Variants in MYCT1 observed in about 807,000 individuals in gnomAD.
MYCT1 encodes the protein MYC target 1, also known as myc target protein 1.
Under a neutral mutation model 15.0 loss-of-function variants are expected in MYCT1, and 12 were observed. The ratio of observed to expected loss-of-function variants is 0.80; its 90% CI spans 0.51 to 1.29. The LOEUF (loss-of-function observed/expected upper bound fraction) is 1.29, where lower values mean the gene tolerates loss of function less well. Among genes scored for constraint, MYCT1 ranks in the 50% most tolerant of loss-of-function variants. The probability of loss-of-function intolerance (pLI) is 0.00; values close to 1 mark genes in which losing one functional copy is unlikely to be tolerated. For missense variants in MYCT1, 287 were observed against 279.1 expected (o/e 1.03, Z -0.20); for synonymous variants, 104 against 102.7 (o/e 1.01, Z -0.07).
chr6:152,727,279 T>C (rs936193129), downstream of MYCT1, among the ~76,000 whole-genome samples: 1 of 152,144 alleles, frequency 6.6e-6, no homozygotes, highest in Admixed American at 6.5e-5. Flanking sequence ...TAAAACATTT[T>C]TAACTAATTT....
At position 152,723,861 on chromosome 6, in the gene MYCT1, T is replaced by G. The variant is rs141300748; in HGVS notation, c.*1608T>G. The stretch of plus-strand genomic sequence containing the variant: ...TTAGTTTATGTGGCCGTTTCTTTGT[T>G]TCTTTGAACAGTGGGATTTTCAGTG... On this transcript the variant is annotated 3_prime_UTR_variant, in exon 2 of 2. Coordinates refer to ENST00000367245, the MANE Select transcript of MYCT1 (RefSeq NM_025107.3). 1 of 152,220 alleles carries G rather than the reference T, an allele frequency of 6.6e-6. No individual in the cohort carries two copies. Among genetic ancestry groups the G allele is most frequent in the East Asian group, 1.9e-4 (1 of 5,192 alleles). 9.4% of individuals were successfully genotyped at this position (152,220 alleles called of 1,614,324 possible). A position where few individuals can be genotyped will look rare whatever the true frequency, so the allele number is the denominator to read the frequency against.
chr6:152,730,219 G>A, the MYCT1 span, among the ~76,000 whole-genome samples: 1 of 151,966 alleles, frequency 6.6e-6, no homozygotes, highest in Non-Finnish European at 1.5e-5. Flanking sequence ...TTATCTAACT[G>A]TATGCTAGCA....
chr6:152,746,402 T>C, the MYCT1 span, among the ~76,000 whole-genome samples: 1 of 152,198 alleles, frequency 6.6e-6, no homozygotes, highest in Non-Finnish European at 1.5e-5. Flanking sequence ...ATGATTCACA[T>C]CCCAGGCTGG....
intron 1 of MYCT1, among the ~76,000 whole-genome samples, chr6:152,720,046 T>C (rs1019832643): frequency 1.3e-5 from 2 of 151,992 alleles, no homozygotes; most frequent in African/African-American, 4.8e-5. Flanking sequence ...TGAAATCAGC[T>C]TGGTGGATTT....
intron 1 of MYCT1, among the ~76,000 whole-genome samples, chr6:152,706,763 A>G (rs1235972566): frequency 1.3e-5 from 2 of 152,066 alleles, no homozygotes; most frequent in East Asian, 3.8e-4. Context: ...GGTATTTTCA[A>G]TGTACGATGG....
At chr6:152,716,972 T>C (rs894067821) in intron 1 of MYCT1, among the ~76,000 whole-genome samples, 2 of 152,202 alleles carry the variant, frequency 1.3e-5, no homozygotes, top group African/African-American at 4.8e-5. Flanking sequence ...GTAATATCTT[T>C]GCCAATGTCT....
At chr6:152,706,875 A>G (rs1051806981) in intron 1 of MYCT1, among the ~76,000 whole-genome samples, 4 of 126,904 alleles carry the variant, frequency 3.2e-5, no homozygotes, top group South Asian at 2.4e-4. Flanking sequence ...GTGTGTGTGT[A>G]TGCATATATA....
In MYCT1 at chr6:152,722,770, A is replaced by G. The variant is rs547000868; in HGVS notation, c.*517A>G. ...TTTTTTCTTTTGAGACAGGGTCTTG[A>G]TCCGTCGCCCAGGCGGGAGTTGCAG... On this transcript the variant is annotated 3_prime_UTR_variant, in exon 2 of 2. Transcript: ENST00000367245. The G allele has an allele frequency of 3.3e-4, 135 of 413,134 alleles. 2 individuals carry two copies. The highest frequency in any genetic ancestry group is 2.2e-3 in the South Asian group (129 of 57,450). 25.6% of individuals were successfully genotyped at this position (413,134 alleles called of 1,614,324 possible).
intron 1 of MYCT1, among the ~76,000 whole-genome samples, chr6:152,703,985 ATTTTATTTTATTTTATTT>A (rs1390323604): frequency 1.1e-4 from 15 of 135,936 alleles, no homozygotes; most frequent in Admixed American, 1.1e-3. Context: ...ATTTTATTTT[ATTTTATTTTATTTTATTT>A]TATTTTATTT....
In MYCT1 at chr6:152,721,943, G is replaced by A. The variant is rs200528290; in HGVS notation, c.398G>A (p.Arg133His). Residue 133 changes from arginine (R) to histidine (H), a missense_variant, in exon 2 of 2, where the codon CGT becomes CAT. Arg to His is a conservative substitution (Grantham distance 29). Coordinates refer to ENST00000367245, the MANE Select transcript of MYCT1 (RefSeq NM_025107.3). ...TTTTACCGCCACAGTGGCTGTGAAC[G>A]TCGAAGCAACCTCAGCCTGGCCAGT... ...TGFYRHSGCE[R>H]RSNLSLASLT... 1.6e-4 allele frequency: 261 copies of A among 1,614,126 alleles called. No individual in the cohort carries two copies. The East Asian group carries it at 4.4e-3, about 27-fold the overall frequency.
At chr6:152,699,105 T>A (rs1287275946) in intron 1 of MYCT1, among the ~76,000 whole-genome samples, 2 of 152,222 alleles carry the variant, frequency 1.3e-5, no homozygotes, top group Non-Finnish European at 2.9e-5. Context: ...TCAGACTTTC[T>A]GCTGTGATTC....
the MYCT1 span, among the ~76,000 whole-genome samples, chr6:152,738,049 G>C: frequency 1.3e-5 from 2 of 151,972 alleles, no homozygotes; most frequent in Non-Finnish European, 2.9e-5. Context: ...ATCTTTATTT[G>C]TAACAGAAAA....
the MYCT1 span, among the ~76,000 whole-genome samples, chr6:152,732,423 T>A: frequency 6.7e-6 from 1 of 148,250 alleles, no homozygotes; most frequent in African/African-American, 2.4e-5. Flanking sequence ...GATTAATTAA[T>A]GTTTGGGAGA....
rs115864057 is a variant in MYCT1, at chr6:152,705,895, G to A, written c.196+7797G>A. On this transcript the variant is annotated intron_variant, in intron 1 of 1. Transcript: ENST00000367245. ...TTGATTGTTGAGAAAATTATGCAAA[G>A]TTCCTCAGAAGTTGGTTACGATGCT... 2,794 of 751,510 alleles carry A rather than the reference G, an allele frequency of 3.7e-3. 33 individuals are homozygous for A. Among genetic ancestry groups the A allele is most frequent in the African/African-American group, 0.027 (1,546 of 57,742 alleles). 46.6% of individuals were successfully genotyped at this position (751,510 alleles called of 1,614,324 possible). A position where few individuals can be genotyped will look rare whatever the true frequency, so the allele number is the denominator to read the frequency against.
the MYCT1 span, among the ~76,000 whole-genome samples, chr6:152,732,112 G>A: frequency 6.6e-6 from 1 of 152,178 alleles, no homozygotes; most frequent in South Asian, 2.1e-4. Flanking sequence ...ATGAAAGACA[G>A]AATTCTGACA....
At chr6:152,705,004 T>C (rs1282554) in intron 1 of MYCT1, among the ~76,000 whole-genome samples, 91,140 of 152,036 alleles carry the variant, frequency 0.6, 29,653 homozygotes, top group East Asian at 0.81. Context: ...TCTCCCTTTT[T>C]CCCTCACCCC....
chr6:152,745,494 T>G, the MYCT1 span, among the ~76,000 whole-genome samples: 1 of 152,192 alleles, frequency 6.6e-6, no homozygotes, highest in African/African-American at 2.4e-5. Context: ...TGATCATTTC[T>G]AGGTAAAGGC....
At chr6:152,721,026 C>T (rs1177997114) in intron 1 of MYCT1, among the ~76,000 whole-genome samples, 1 of 152,154 alleles carries the variant, frequency 6.6e-6, no homozygotes, top group Admixed American at 6.5e-5. Flanking sequence ...AGCCGAGGCT[C>T]TATGGAGGTT....
chr6:152,718,816 G>C (rs990566900), intron 1 of MYCT1, among the ~76,000 whole-genome samples: 2 of 151,746 alleles, frequency 1.3e-5, no homozygotes, highest in African/African-American at 4.8e-5. Context: ...TGAAATCAAG[G>C]AAACATCTCT....
Sources: allele counts gnomAD v4.1 joint callset (sites outside exome capture counted in the v4.1 genomes callset), GRCh38; gene constraint gnomAD v4.1.1; transcripts MANE v1.5; gene names NCBI Gene and HGNC (gene_info 2026-07-23, HGNC 2026-07-21).